ULK4: variants seen among roughly 807,000 people sequenced by gnomAD.
ULK4 encodes unc-51 like kinase 4.
A neutral mutation model predicts 160.6 loss-of-function variants in ULK4; 133 were observed. The observed-to-expected ratio is 0.83, with a 90% CI of 0.72 to 0.96. The LOEUF is 0.96. ULK4 is among the 40% of genes least tolerant of loss of function. The probability of loss-of-function intolerance (pLI) is 0.00; values close to 1 mark genes in which losing one functional copy is unlikely to be tolerated. For missense variants in ULK4, 1,580 were observed against 1,499.5 expected (o/e 1.05, Z -0.89); for synonymous variants, 534 against 539.8 (o/e 0.99, Z 0.15).
At chr3:41,817,442 TA>T (rs1265941015) in intron 19 of ULK4, among the ~76,000 whole-genome samples, 1 of 152,102 alleles carries the variant, frequency 6.6e-6, no homozygotes, top group Non-Finnish European at 1.5e-5. Flanking sequence ...TATGCAGCCA[TA>T]AAAAATTATA....
intron 32 of ULK4, among the ~76,000 whole-genome samples, chr3:41,488,919 T>C (rs1399421599): frequency 6.6e-6 from 1 of 151,858 alleles, no homozygotes; most frequent in East Asian, 1.9e-4. Flanking sequence ...AATGACACAC[T>C]CCAGCCATCC....
chr3:41,474,293 C>T (rs185123775), intron 32 of ULK4, among the ~76,000 whole-genome samples: 137 of 152,186 alleles, frequency 9.0e-4, no homozygotes, highest in Middle Eastern at 6.8e-3. Context: ...CTAGGTAAAT[C>T]AGACATCCAT....
chr3:41,556,582 GGTTCA>G (rs2087310894), intron 32 of ULK4, among the ~76,000 whole-genome samples: 2 of 147,566 alleles, frequency 1.4e-5, no homozygotes, highest in Admixed American at 1.4e-4. Context: ...CCACCTCCTG[GGTTCA>G]AGCGATTCTC....
intron 2 of ULK4, among the ~76,000 whole-genome samples, chr3:41,949,941 G>A (rs1041012493): frequency 1.3e-5 from 2 of 151,710 alleles, no homozygotes; most frequent in African/African-American, 2.4e-5. Flanking sequence ...TCACCATGTT[G>A]CCCAGGCTGG....
At chr3:41,427,375 A>G (rs1035984725) in intron 34 of ULK4, among the ~76,000 whole-genome samples, 3 of 152,334 alleles carry the variant, frequency 2.0e-5, no homozygotes, top group African/African-American at 7.2e-5. Flanking sequence ...TTCTGAAACT[A>G]TTCCAAACAA....
intron 29 of ULK4, 62 bp from the exon 30 acceptor site, chr3:41,663,761 C>A: frequency 2.3e-6 from 3 of 1,307,216 alleles, no homozygotes; most frequent in South Asian, 2.4e-5. Context: ...ACCTTGAATT[C>A]TATATCCAGC....
rs372591783 is a variant in ULK4, at chr3:41,789,823, G to T, written c.2031C>A (p.Arg677=). Residue 677 remains arginine (R), a synonymous_variant, in exon 21 of 37, where the codon CGC becomes CGA. Transcript: ENST00000301831. The part of the protein sequence containing the change: ...TAVSALCRIT[R]HSPTAFQNVI... ...CATTCTGGAAGGCAGTAGGAGAATGGCGAGTGATTCTACACAAGGCCTACA... is the reference window on the plus strand; with the variant it reads ...CATTCTGGAAGGCAGTAGGAGAATGTCGAGTGATTCTACACAAGGCCTACA... 1.2e-6 allele frequency: 2 copies of T among 1,611,132 alleles called. No homozygotes were observed. Among genetic ancestry groups the T allele is most frequent in the African/African-American group, 2.7e-5 (2 of 74,766 alleles).
intron 11 of ULK4, among the ~76,000 whole-genome samples, chr3:41,908,567 T>C (rs1258753355): frequency 3.3e-5 from 5 of 152,110 alleles, no homozygotes; most frequent in African/African-American, 1.2e-4. Flanking sequence ...TGCCTTAGCC[T>C]CCCGAGTAGC....
chr3:41,410,105 A>G (rs560825512), intron 34 of ULK4, among the ~76,000 whole-genome samples: 4 of 152,194 alleles, frequency 2.6e-5, no homozygotes, highest in Admixed American at 6.5e-5. Flanking sequence ...GGAAATGTTA[A>G]TGGTGGAGGC....
At chr3:41,294,962 T>C (rs574006321) in intron 35 of ULK4, among the ~76,000 whole-genome samples, 1 of 152,306 alleles carries the variant, frequency 6.6e-6, no homozygotes, top group Admixed American at 6.5e-5. Flanking sequence ...CTAAAAGTTA[T>C]ATGGAGAGAT....
chr3:41,505,605 C>A (rs1244697778), intron 32 of ULK4, among the ~76,000 whole-genome samples: 1 of 152,034 alleles, frequency 6.6e-6, no homozygotes, highest in Non-Finnish European at 1.5e-5. Context: ...TTATAATTGG[C>A]AGAAACCAGG....
chr3:41,908,127 T>C (rs1178586322), intron 11 of ULK4, among the ~76,000 whole-genome samples, 186 bp from the exon 12 acceptor site: 1 of 152,202 alleles, frequency 6.6e-6, no homozygotes, highest in Non-Finnish European at 1.5e-5. Context: ...ATTTCCTGGC[T>C]AATGTATTAT....
intron 17 of ULK4, among the ~76,000 whole-genome samples, chr3:41,842,198 A>C (rs1559599797): frequency 7.6e-6 from 1 of 131,880 alleles, no homozygotes; most frequent in Non-Finnish European, 1.5e-5. Context: ...AATAAAAAAA[A>C]AGAAGACTAA....
chr3:41,667,510 T>C (rs1418575536), intron 29 of ULK4, among the ~76,000 whole-genome samples: 1 of 152,236 alleles, frequency 6.6e-6, no homozygotes, highest in Non-Finnish European at 1.5e-5. Flanking sequence ...CCTGCACTCC[T>C]TTGAATGCAA....
intron 32 of ULK4, among the ~76,000 whole-genome samples, chr3:41,478,174 G>A (rs1205455665): frequency 6.6e-6 from 1 of 152,092 alleles, no homozygotes; most frequent in Non-Finnish European, 1.5e-5. Flanking sequence ...CTCTAGTCAG[G>A]GGAAGGACAT....
chr3:41,614,945 T>C (rs867882981), intron 31 of ULK4, among the ~76,000 whole-genome samples: 3 of 151,818 alleles, frequency 2.0e-5, no homozygotes, highest in Admixed American at 6.6e-5. Context: ...GCTAGGGAGG[T>C]AAAGTACTTA....
At chr3:41,381,035 C>T (rs531892087) in intron 35 of ULK4, among the ~76,000 whole-genome samples, 13 of 152,250 alleles carry the variant, frequency 8.5e-5, no homozygotes, top group African/African-American at 3.1e-4. Context: ...CCTCTGCCCC[C>T]AGCTTTAAAT....
intron 5 of ULK4, among the ~76,000 whole-genome samples, chr3:41,929,707 G>C (rs541646056): frequency 6.6e-6 from 1 of 152,180 alleles, no homozygotes; most frequent in South Asian, 2.1e-4. Context: ...AACAAACAGA[G>C]AGCCAAATTA....
At chr3:41,935,756 T>G in intron 4 of ULK4, 45 bp downstream of exon 4, 1 of 1,567,184 alleles carries the variant, frequency 6.4e-7, no homozygotes, top group Non-Finnish European at 8.6e-7. Flanking sequence ...AGCACTCTAA[T>G]TTGAGACAGA....
Sources: allele counts gnomAD v4.1 joint callset (sites outside exome capture counted in the v4.1 genomes callset), GRCh38; gene constraint gnomAD v4.1.1; transcripts MANE v1.5; gene names NCBI Gene and HGNC (gene_info 2026-07-23, HGNC 2026-07-21).